The following RSRP1 variants were observed in gnomAD, a reference collection of about 807,000 sequenced individuals.
The protein encoded by RSRP1 is arginine and serine rich protein 1.
Under a neutral mutation model 33.0 loss-of-function variants are expected in RSRP1, and 37 were observed. The observed-to-expected ratio is 1.12, with a 90% CI of 0.86 to 1.48. The LOEUF (loss-of-function observed/expected upper bound fraction) is 1.48, where lower values mean the gene tolerates loss of function less well. Among genes scored for constraint, RSRP1 ranks in the 40% most tolerant of loss-of-function variants. RSRP1 has a pLI of 0.00. For missense variants in RSRP1, 402 were observed against 385.3 expected, an observed-to-expected ratio of 1.04 and a Z score of -0.36; for synonymous variants, 167 against 158.7, an observed-to-expected ratio of 1.05 and a Z score of -0.40.
rs1323336694 is a variant in RSRP1 at position 25,302,368 on chromosome 1, G to T, written c.-67+35610C>A. On this transcript the variant is annotated intron_variant, in intron 1 of 1. Coordinates refer to the RSRP1 transcript ENST00000561867. ...GTCGGAGGGAAGTCTGGACAGACCAGTGGTGGGGCTCGGGTGGGAGGCACT... is the reference window on the plus strand; with the variant it reads ...GTCGGAGGGAAGTCTGGACAGACCATTGGTGGGGCTCGGGTGGGAGGCACT... 4.7e-5 allele frequency among the ~76,000 whole-genome samples: 6 copies of T among 127,922 alleles called. 2 individuals carry two copies. The allele number at this position is 127,922 out of a possible 152,430, so 83.9% of individuals were successfully genotyped here.
At chr1:25,334,199 T>C (rs1488290080) in intron 1 of RSRP1, among the ~76,000 whole-genome samples, 2 of 131,440 alleles carry the variant, frequency 1.5e-5, no homozygotes, top group Admixed American at 1.5e-4. Context: ...AGGCATTGGG[T>C]AAATACAGCC....
intron 1 of RSRP1, among the ~76,000 whole-genome samples, chr1:25,312,935 A>C (rs1208869614): frequency 9.7e-6 from 1 of 103,228 alleles, no homozygotes; most frequent in African/African-American, 3.0e-5. Context: ...AAAAAAAAAA[A>C]AAAAAAAAAA....
intron 1 of RSRP1, among the ~76,000 whole-genome samples, chr1:25,331,042 A>C (rs1644995947): frequency 9.7e-6 from 1 of 103,192 alleles, no homozygotes; most frequent in Non-Finnish European, 2.1e-5. Flanking sequence ...ATCTCGGCTC[A>C]CTGCAACCTC....
At chr1:25,251,375 T>A (rs1430421233), upstream of RSRP1, among the ~76,000 whole-genome samples, 1 of 152,122 alleles carries the variant, frequency 6.6e-6, no homozygotes, top group Non-Finnish European at 1.5e-5. Context: ...TTTTCCTTTT[T>A]TTTTTCTTTT....
rs1170643792 is a variant in RSRP1, at chr1:25,297,777, C to T, written c.-67+40201G>A. Among the ~76,000 whole-genome samples the T allele has an allele frequency of 1.1e-4, 15 of 131,802 alleles. 4 individuals are homozygous for T. Among genetic ancestry groups the T allele is most frequent in the East Asian group, 2.0e-4 (1 of 5,114 alleles). The allele number at this position is 131,802 out of a possible 152,430, so 86.5% of individuals were successfully genotyped here. The stretch of plus-strand genomic sequence containing the variant: ...AAAATGTCAGCAGAGCTTTCTTAGG[C>T]GGAATGAAGAGAATTCAGTGTAAGA... On this transcript the variant is annotated intron_variant, in intron 1 of 1. Transcript: ENST00000561867.
intron 1 of RSRP1, among the ~76,000 whole-genome samples, chr1:25,295,944 C>T (rs1642920194): frequency 9.4e-6 from 1 of 106,640 alleles, no homozygotes; most frequent in African/African-American, 3.3e-5. Context: ...CTCACTGCAA[C>T]TTCTGCCTTC....
At chr1:25,301,779 G>A in intron 1 of RSRP1, 1 of 951,654 alleles carries the variant, frequency 1.1e-6, no homozygotes, top group Admixed American at 1.8e-5. Context: ...AGCGTGGGTT[G>A]GGAGAGGGCA....
upstream of RSRP1, chr1:25,338,210 A>T (rs1164843208): frequency 6.6e-6 from 1 of 152,154 alleles, no homozygotes; most frequent in Non-Finnish European, 1.5e-5. Flanking sequence ...GAGCGGCGGA[A>T]AGCCCCTGAA....
chr1:25,257,256 G>A (rs1444925074), intron 1 of RSRP1, among the ~76,000 whole-genome samples: 1 of 152,146 alleles, frequency 6.6e-6, no homozygotes, highest in South Asian at 2.1e-4. Context: ...TATCACGCTT[G>A]TAATTAAATA....
rs557882258 is a variant in RSRP1 at position 25,283,304 on chromosome 1, G to T, written c.-66-36275C>A. On this transcript the variant is annotated intron_variant, in intron 1 of 1. Transcript: ENST00000561867. ...CCATCACTTTGGGAAACCGAGGTGGGCAGATCACTTGAGGTCAGGAGTTCG... is the reference window on the plus strand; with the variant it reads ...CCATCACTTTGGGAAACCGAGGTGGTCAGATCACTTGAGGTCAGGAGTTCG... 3.8e-5 allele frequency among the ~76,000 whole-genome samples: 5 copies of T among 132,088 alleles called. No homozygotes were observed. The East Asian group carries it at 9.8e-4, about 26-fold the overall frequency. 86.7% of individuals were successfully genotyped at this position (132,088 alleles called of 152,430 possible). A position where few individuals can be genotyped will look rare whatever the true frequency, so the allele number is the denominator to read the frequency against.
rs1444398939 is a variant in RSRP1 at position 25,282,202 on chromosome 1, T to C, written c.-66-35173A>G. Among the ~76,000 whole-genome samples the C allele has an allele frequency of 1.5e-5, 2 of 132,884 alleles. 1 individual carries two copies. Among genetic ancestry groups the C allele is most frequent in the Non-Finnish European group, 3.6e-5 (2 of 56,014 alleles). 87.2% of individuals were successfully genotyped at this position (132,884 alleles called of 152,430 possible). A position where few individuals can be genotyped will look rare whatever the true frequency, so the allele number is the denominator to read the frequency against. ...AGCAACTTACAAGACCACAGGGCTA[T>C]GAAGTGGAAACACATAAATTGATAT... On this transcript the variant is annotated intron_variant, in intron 1 of 1. Transcript: ENST00000561867.
At chr1:25,261,410 T>C (rs1640143570) in intron 1 of RSRP1, among the ~76,000 whole-genome samples, 1 of 151,154 alleles carries the variant, frequency 6.6e-6, no homozygotes, top group African/African-American at 2.4e-5. Context: ...TTCTTTCTTT[T>C]TTTTTTTTTT....
chr1:25,300,088 G>A (rs1301172999), intron 1 of RSRP1, among the ~76,000 whole-genome samples: 2 of 131,074 alleles, frequency 1.5e-5, no homozygotes, highest in Non-Finnish European at 3.6e-5. Flanking sequence ...TAAGAAGTCT[G>A]GTTGCTTCAT....
At position 25,304,919 on chromosome 1, in the gene RSRP1, A is replaced by T. The variant is rs1643678044; in HGVS notation, c.-67+33059T>A. On this transcript the variant is annotated intron_variant, in intron 1 of 1. Transcript: ENST00000561867. ...TCCCTGAGCTTGTTTCCTTGACTTC[A>T]TCACTGGCAGGACTATTCAAAAATG... The T allele has an allele frequency of 1.5e-5, 2 of 132,076 alleles. 1 individual carries two copies. Among genetic ancestry groups the T allele is most frequent in the Non-Finnish European group, 3.6e-5 (2 of 55,882 alleles). 8.2% of individuals were successfully genotyped at this position (132,076 alleles called of 1,614,324 possible).
At chr1:25,284,025 G>A (rs1305849310) in intron 1 of RSRP1, among the ~76,000 whole-genome samples, 3 of 134,904 alleles carry the variant, frequency 2.2e-5, no homozygotes, top group Non-Finnish European at 3.5e-5. Context: ...CAGGTCCCTC[G>A]CAGCAGGCGG....
In RSRP1 at chr1:25,294,052, C is replaced by G. The variant is rs1642733669; in HGVS notation, c.-67+43926G>C. On this transcript the variant is annotated intron_variant, in intron 1 of 1. Coordinates refer to the RSRP1 transcript ENST00000561867. ...TAATCTTGTGATTAAGAGAAGAAGG[C>G]TGTCCACCAATGGGCTTATCTGTTA... 15 of 645,816 alleles carry G rather than the reference C, an allele frequency of 2.3e-5. 5 individuals are homozygous for G. The highest frequency in any genetic ancestry group is 3.8e-5 in the Non-Finnish European group (13 of 342,424). The allele number at this position is 645,816 out of a possible 1,614,324, so 40.0% of individuals were successfully genotyped here.
chr1:25,292,103 G>T (rs1642555650), intron 1 of RSRP1, among the ~76,000 whole-genome samples: 2 of 132,294 alleles, frequency 1.5e-5, no homozygotes. Context: ...TGTAATATGA[G>T]GGTAGCAGTA....
chr1:25,313,971 T>C (rs1242391535), intron 1 of RSRP1, among the ~76,000 whole-genome samples: 1 of 133,306 alleles, frequency 7.5e-6, no homozygotes, highest in African/African-American at 2.6e-5. Context: ...AGAATTTATT[T>C]ATCCATTATT....
rs1214901646 is a variant in RSRP1, at chr1:25,315,498, T to A, written c.-67+22480A>T. 2.5e-5 allele frequency among the ~76,000 whole-genome samples: 3 copies of A among 121,656 alleles called. 1 individual carries two copies. Among genetic ancestry groups the A allele is most frequent in the African/African-American group, 9.1e-5 (3 of 32,826 alleles). The allele number at this position is 121,656 out of a possible 152,430, so 79.8% of individuals were successfully genotyped here. ...TTTTAATTTATTTTTCTTTTCTTTC[T>A]TTCTTTTTTTTTTTTTGAGATGGAG... On this transcript the variant is annotated intron_variant, in intron 1 of 1. Transcript: ENST00000561867.
Sources: gnomAD v4.1 joint callset for allele counts (sites outside exome capture counted in the v4.1 genomes callset) on GRCh38, gnomAD v4.1.1 for gene constraint, MANE v1.5 for transcripts, NCBI Gene and HGNC (gene_info 2026-07-23, HGNC 2026-07-21) for gene names.